TPRG1: variants seen among roughly 807,000 people sequenced by gnomAD.
The protein encoded by TPRG1 is tumor protein p63-regulated gene 1 protein.
In TPRG1, 29 loss-of-function variants were observed where a neutral mutation model predicts 29.3. The observed-to-expected ratio is 0.99, with a 90% confidence interval of 0.74 to 1.35. TPRG1 has a LOEUF of 1.35. Among genes scored for constraint, TPRG1 ranks in the 40% most tolerant of loss-of-function variants. The pLI is 0.00. For synonymous variants in TPRG1, 130 were observed against 116.8 expected, an observed-to-expected ratio of 1.11 and a Z score of -0.73; for missense variants, 327 against 335.0, an observed-to-expected ratio of 0.98 and a Z score of 0.19.
At chr3:189,161,410 C>T (rs1399724355) in intron 5 of TPRG1, among the ~76,000 whole-genome samples, 2 of 152,108 alleles carry the variant, frequency 1.3e-5, no homozygotes, top group Non-Finnish European at 2.9e-5. Flanking sequence ...GATTCAAATA[C>T]ATTACATGCA....
Position 189,001,862 on chromosome 3 carries a change from A to C in TPRG1, c.-878+951A>C, listed in dbSNP as rs970879277. ...CTGAGTGTGAGGATTGGAAATACAG[A>C]AACAACAATAATGCATTATATGTGT... On this transcript the variant is annotated intron_variant, in intron 2 of 10. Coordinates refer to the TPRG1 transcript ENST00000433971. 3.3e-5 allele frequency among the ~76,000 whole-genome samples: 5 copies of C among 152,318 alleles called. No homozygotes were observed. The South Asian group carries it at 1.0e-3, about 32-fold the overall frequency.
intron 5 of TPRG1, among the ~76,000 whole-genome samples, chr3:189,314,413 G>A (rs368725612): frequency 2.0e-5 from 3 of 152,250 alleles, no homozygotes; most frequent in South Asian, 2.1e-4. Context: ...TAAAGTTTAC[G>A]CTATGTCTAA....
At chr3:189,254,894 G>C (rs1024060338) in intron 4 of TPRG1, among the ~76,000 whole-genome samples, 4 of 152,184 alleles carry the variant, frequency 2.6e-5, no homozygotes, top group Admixed American at 2.6e-4. Context: ...CTTTGCTGAA[G>C]TTGTTTATCA....
intron 4 of TPRG1, among the ~76,000 whole-genome samples, chr3:189,044,102 T>C (rs556750712): frequency 4.3e-4 from 66 of 152,242 alleles, no homozygotes; most frequent in African/African-American, 1.5e-3. Context: ...TAAAAATTAC[T>C]CTCTCAAATT....
rs1560437452 is a variant in TPRG1, at chr3:189,088,980, CT to C, written c.-462-38076del. On this transcript the variant is annotated intron_variant, in intron 4 of 10. Transcript: ENST00000433971. ...TGTGTATCTATTGATATCTATCTAT[CT>C]ATCTATCTATCTATCTATCTATCTA... 2.3e-3 allele frequency among the ~76,000 whole-genome samples: 314 copies of C among 137,184 alleles called. 3 individuals are homozygous for C. The highest frequency in any genetic ancestry group is 0.011 in the African/African-American group (305 of 27,848). The allele number at this position is 137,184 out of a possible 152,430, so 90.0% of individuals were successfully genotyped here.
intron 1 of TPRG1, among the ~76,000 whole-genome samples, chr3:189,190,789 G>A (rs1731576966): frequency 6.6e-6 from 1 of 152,100 alleles, no homozygotes; most frequent in African/African-American, 2.4e-5. Flanking sequence ...AATATATAGA[G>A]ATGGCATTAC....
chr3:189,004,665 C>G (rs950974024), exon 3 of TPRG1: 1 of 152,108 alleles, frequency 6.6e-6, no homozygotes, highest in Non-Finnish European at 1.5e-5. Flanking sequence ...CTCTTCAGGC[C>G]TCCTTTTTGA....
chr3:189,147,819 C>T (rs991202053), intron 4 of TPRG1, among the ~76,000 whole-genome samples: 2 of 152,102 alleles, frequency 1.3e-5, no homozygotes, highest in African/African-American at 4.8e-5. Context: ...TTGAGTCTGG[C>T]AGATGGGGGT....
At chr3:189,074,959 C>T (rs946491396) in intron 4 of TPRG1, among the ~76,000 whole-genome samples, 12 of 150,504 alleles carry the variant, frequency 8.0e-5, no homozygotes, top group African/African-American at 2.9e-4. Context: ...CTACAGGCGC[C>T]CGCCACCACG....
chr3:189,296,475 G>C (rs898478687), intron 4 of TPRG1, among the ~76,000 whole-genome samples: 10 of 152,132 alleles, frequency 6.6e-5, no homozygotes, highest in African/African-American at 2.2e-4. Context: ...ATTATACACA[G>C]ACATACACAA....
intron 3 of TPRG1, among the ~76,000 whole-genome samples, 157 bp downstream of exon 3, chr3:189,215,540 G>A (rs547777029): frequency 1.3e-5 from 2 of 152,130 alleles, no homozygotes; most frequent in East Asian, 1.9e-4. Context: ...CCAGCATTCC[G>A]TGGCTGATGA....
At chr3:189,165,280 C>T (rs1728012638) in intron 5 of TPRG1, among the ~76,000 whole-genome samples, 1 of 151,864 alleles carries the variant, frequency 6.6e-6, no homozygotes, top group Non-Finnish European at 1.5e-5. Flanking sequence ...CCCAGTGTTC[C>T]AGACACACAG....
chr3:189,137,539 C>T (rs1190300157), intron 3 of TPRG1, among the ~76,000 whole-genome samples: 1 of 152,134 alleles, frequency 6.6e-6, no homozygotes, highest in Non-Finnish European at 1.5e-5. Flanking sequence ...GAACAGAGCT[C>T]TACATTCCAC....
chr3:189,177,017 G>A (rs1015988348), intron 1 of TPRG1, among the ~76,000 whole-genome samples: 1 of 152,184 alleles, frequency 6.6e-6, no homozygotes, highest in Non-Finnish European at 1.5e-5. Context: ...GGATGAAGTG[G>A]GGAGAGAGGT....
intron 4 of TPRG1, among the ~76,000 whole-genome samples, chr3:189,283,562 G>A (rs1196624804): frequency 6.6e-6 from 1 of 152,162 alleles, no homozygotes; most frequent in African/African-American, 2.4e-5. Flanking sequence ...TATTTGCTAT[G>A]AAATTAACAT....
At chr3:189,245,998 T>G (rs1286781950) in intron 4 of TPRG1, among the ~76,000 whole-genome samples, 1 of 152,226 alleles carries the variant, frequency 6.6e-6, no homozygotes, top group African/African-American at 2.4e-5. Flanking sequence ...TTATACTTAC[T>G]GTTTGTATAG....
intron 2 of TPRG1, among the ~76,000 whole-genome samples, chr3:189,002,549 G>C (rs762355579): frequency 6.6e-6 from 1 of 152,070 alleles, no homozygotes; most frequent in Non-Finnish European, 1.5e-5. Flanking sequence ...TCCATATAGC[G>C]TATGAATTCA....
chr3:189,105,770 CATA>C (rs534528088), intron 1 of TPRG1, among the ~76,000 whole-genome samples: 119 of 152,196 alleles, frequency 7.8e-4, no homozygotes, highest in African/African-American at 2.6e-3. Context: ...GTCCTTCCGA[CATA>C]ATAATTACTA....
chr3:189,091,946 G>C (rs1056109773), intron 4 of TPRG1, among the ~76,000 whole-genome samples: 4 of 151,930 alleles, frequency 2.6e-5, no homozygotes, highest in Admixed American at 2.6e-4. Flanking sequence ...GCAATATTCT[G>C]TATGTCCTTA....
Sources: gnomAD v4.1 joint callset for allele counts (sites outside exome capture counted in the v4.1 genomes callset) on GRCh38, gnomAD v4.1.1 for gene constraint, MANE v1.5 for transcripts, NCBI Gene and HGNC (gene_info 2026-07-23, HGNC 2026-07-21) for gene names.